Variants in LRP1B observed in about 807,000 individuals in gnomAD.
The protein encoded by LRP1B is low-density lipoprotein receptor-related protein 1B.
Under a neutral mutation model 556.6 loss-of-function variants are expected in LRP1B, and 217 were observed. The observed-to-expected ratio is 0.39, with a 90% CI of 0.35 to 0.44. The LOEUF is 0.44. Among genes scored for constraint, LRP1B ranks in the 20% least tolerant of loss-of-function variants. The pLI is 1.00. For missense variants in LRP1B, 5,053 were observed against 5,620.8 expected (o/e 0.90, Z 3.23); for synonymous variants, 2,047 against 1,865.8 (o/e 1.10, Z -2.50).
intron 3 of LRP1B, among the ~76,000 whole-genome samples, chr2:141,336,632 T>G (rs1687859107): frequency 6.6e-6 from 1 of 152,212 alleles, no homozygotes; most frequent in Admixed American, 6.5e-5. Flanking sequence ...ACGTATAGAT[T>G]GATGTAACCA....
At chr2:141,851,567 TA>T (rs1322790484) in intron 1 of LRP1B, among the ~76,000 whole-genome samples, 2 of 151,746 alleles carry the variant, frequency 1.3e-5, no homozygotes, top group Non-Finnish European at 1.5e-5. Context: ...AATGCAAACA[TA>T]AAATTAGATT....
chr2:141,936,962 T>A (rs1700652266), intron 1 of LRP1B, among the ~76,000 whole-genome samples: 1 of 152,164 alleles, frequency 6.6e-6, no homozygotes, highest in South Asian at 2.1e-4. Context: ...AACAACAGTA[T>A]GTAAGATGGG....
At chr2:141,149,186 G>T (rs1473562254) in intron 7 of LRP1B, among the ~76,000 whole-genome samples, 1 of 150,978 alleles carries the variant, frequency 6.6e-6, no homozygotes, top group Non-Finnish European at 1.5e-5. Context: ...AATAAAAAGG[G>T]TTTTTTTTGT....
At chr2:141,544,334 C>CTTCTTCCTCTTCTTCTTCTTCTTCTTCTT (rs1685428897) in intron 2 of LRP1B, among the ~76,000 whole-genome samples, 1 of 66,388 alleles carries the variant, frequency 1.5e-5, no homozygotes. Flanking sequence ...TCTTCTTCTT[C>CTTCTTCCTCTTCTTCTTCTTCTTCTTCTT]TTCTTCTTCT....
chr2:141,059,217 CT>C (rs965871205), intron 8 of LRP1B, among the ~76,000 whole-genome samples, 163 bp from the exon 9 acceptor site: 4 of 151,578 alleles, frequency 2.6e-5, no homozygotes, highest in South Asian at 2.1e-4. Flanking sequence ...CTGATTAAAA[CT>C]TTTTTTTCTG....
chr2:141,167,815 T>C (rs757960229), intron 7 of LRP1B, among the ~76,000 whole-genome samples: 7 of 151,990 alleles, frequency 4.6e-5, no homozygotes, highest in Non-Finnish European at 1.0e-4. Context: ...ACAGTGACCA[T>C]TGATAGAACT....
chr2:140,458,436 C>T (rs534881153), intron 60 of LRP1B, among the ~76,000 whole-genome samples: 26 of 152,136 alleles, frequency 1.7e-4, no homozygotes, highest in African/African-American at 6.3e-4. Context: ...TAAATCTGTT[C>T]AGTGGTTTGG....
At chr2:141,903,403 C>A (rs1699676340) in intron 1 of LRP1B, among the ~76,000 whole-genome samples, 1 of 151,924 alleles carries the variant, frequency 6.6e-6, no homozygotes, top group Non-Finnish European at 1.5e-5. Flanking sequence ...TTCACTCCAT[C>A]TCATGAAATT....
At chr2:141,533,335 G>T (rs969897908) in intron 2 of LRP1B, among the ~76,000 whole-genome samples, 2 of 105,082 alleles carry the variant, frequency 1.9e-5, no homozygotes, top group African/African-American at 5.7e-5. Context: ...AATTTTTATA[G>T]AGAGAAAGCA....
chr2:140,790,522 C>G (rs1201776754), intron 32 of LRP1B, among the ~76,000 whole-genome samples: 4 of 150,938 alleles, frequency 2.7e-5, no homozygotes, highest in Admixed American at 2.0e-4. Context: ...ACCAATAGCA[C>G]TTTGAGCTGC....
intron 35 of LRP1B, among the ~76,000 whole-genome samples, chr2:140,750,379 T>C (rs1688534195): frequency 6.6e-6 from 1 of 152,162 alleles, no homozygotes; most frequent in South Asian, 2.1e-4. Flanking sequence ...AGTCCATTTG[T>C]CCATTCTTAT....
At chr2:142,067,019 T>C (rs1705132206) in intron 1 of LRP1B, among the ~76,000 whole-genome samples, 1 of 151,430 alleles carries the variant, frequency 6.6e-6, no homozygotes, top group Non-Finnish European at 1.5e-5. Flanking sequence ...GCTTCTCACA[T>C]CTCTTGGCTC....
intron 2 of LRP1B, among the ~76,000 whole-genome samples, chr2:141,650,322 G>A (rs1689738593): frequency 6.6e-6 from 1 of 152,172 alleles, no homozygotes; most frequent in African/African-American, 2.4e-5. Flanking sequence ...TTGTGAGTAT[G>A]GTTTTTCTAG....
chr2:140,850,952 T>TGTC (rs1692439930), intron 28 of LRP1B, among the ~76,000 whole-genome samples: 1 of 152,134 alleles, frequency 6.6e-6, no homozygotes, highest in Non-Finnish European at 1.5e-5. Flanking sequence ...TTGTTGTTGT[T>TGTC]GTCTTTCAGG....
At chr2:141,013,812 G>A (rs1483550694) in intron 13 of LRP1B, 67 bp from the exon 14 acceptor site, 7 of 896,384 alleles carry the variant, frequency 7.8e-6, no homozygotes, top group Non-Finnish European at 1.1e-5. Context: ...GATATTTAGA[G>A]AAAGTGATAT....
chr2:140,926,545 G>C (rs552535127), intron 20 of LRP1B, among the ~76,000 whole-genome samples: 1 of 151,894 alleles, frequency 6.6e-6, no homozygotes, highest in Non-Finnish European at 1.5e-5. Context: ...GTCTTACTTT[G>C]TTGCCTAGAC....
intron 1 of LRP1B, among the ~76,000 whole-genome samples, chr2:142,107,235 A>G (rs1706777572): frequency 1.3e-5 from 2 of 152,202 alleles, no homozygotes; most frequent in Admixed American, 6.6e-5. Context: ...CCTAAAGTTT[A>G]TATATTAGAA....
intron 90 of LRP1B, 152 bp downstream of exon 90, chr2:140,234,634 C>A: frequency 1.8e-6 from 1 of 570,302 alleles, no homozygotes; most frequent in Non-Finnish European, 3.2e-6. Flanking sequence ...AGACAGGACA[C>A]ATAACATAAG....
intron 3 of LRP1B, among the ~76,000 whole-genome samples, chr2:141,465,813 T>C (rs1206818098): frequency 6.6e-6 from 1 of 152,194 alleles, no homozygotes; most frequent in African/African-American, 2.4e-5. Flanking sequence ...CCCAAAGTGC[T>C]GGGATTACAG....
Sources: gnomAD v4.1 joint callset for allele counts (sites outside exome capture counted in the v4.1 genomes callset) on GRCh38, gnomAD v4.1.1 for gene constraint, MANE v1.5 for transcripts, NCBI Gene and HGNC (gene_info 2026-07-23, HGNC 2026-07-21) for gene names.